Variants in OPCML observed in about 807,000 individuals in gnomAD.
The protein encoded by OPCML is opioid-binding protein/cell adhesion molecule.
OPCML carries 13 observed loss-of-function variants against 37.8 expected under a neutral mutation model. The observed-to-expected ratio is 0.34, with a 90% CI of 0.22 to 0.55. The LOEUF (loss-of-function observed/expected upper bound fraction) is 0.55. OPCML is among the 20% of genes least tolerant of loss of function. OPCML has a pLI of 0.91. For missense variants in OPCML, 341 were observed against 435.6 expected, an observed-to-expected ratio of 0.78 and a Z score of 1.93; for synonymous variants, 176 against 168.8, an observed-to-expected ratio of 1.04 and a Z score of -0.33.
At chr11:132,692,039 A>G (rs1943423843) in intron 2 of OPCML, among the ~76,000 whole-genome samples, 1 of 152,186 alleles carries the variant, frequency 6.6e-6, no homozygotes, top group South Asian at 2.1e-4. Context: ...TAAGAATTCA[A>G]TCAGCGTTAA....
chr11:132,422,945 G>A (rs745735671), intron 7 of OPCML, among the ~76,000 whole-genome samples: 2 of 152,198 alleles, frequency 1.3e-5, no homozygotes, highest in African/African-American at 4.8e-5. Flanking sequence ...TTCCCTCTCC[G>A]GGCTTTGCTT....
chr11:132,657,367 A>G (rs1191622569), intron 2 of OPCML, 48 bp from the exon 3 acceptor site: 2 of 1,597,166 alleles, frequency 1.3e-6, no homozygotes, highest in African/African-American at 2.7e-5. Context: ...GGAAAGAGAG[A>G]GAGTGGAGAG....
At chr11:133,006,370 A>G (rs1462838407) in intron 1 of OPCML, 2 of 884,718 alleles carry the variant, frequency 2.3e-6, no homozygotes, top group Non-Finnish European at 1.4e-6. Context: ...TGCAATCCTG[A>G]ATTTTCTTGG....
chr11:133,287,486 C>T (rs1942335203), intron 1 of OPCML, among the ~76,000 whole-genome samples: 1 of 147,156 alleles, frequency 6.8e-6, no homozygotes, highest in Admixed American at 6.8e-5. Context: ...GCCCACCAGA[C>T]CGGAAACAGT....
At chr11:132,757,242 A>G (rs1223933814) in intron 2 of OPCML, among the ~76,000 whole-genome samples, 1 of 152,176 alleles carries the variant, frequency 6.6e-6, no homozygotes, top group Non-Finnish European at 1.5e-5. Context: ...GCTATTGTGA[A>G]CAGTGCTACA....
chr11:132,992,079 A>G (rs1055005224), intron 1 of OPCML, among the ~76,000 whole-genome samples: 3 of 152,170 alleles, frequency 2.0e-5, no homozygotes, highest in Non-Finnish European at 2.9e-5. Context: ...AAGCCATTGT[A>G]TTGATGAAGA....
chr11:132,554,373 G>T (rs1387927943), intron 3 of OPCML, among the ~76,000 whole-genome samples: 1 of 152,216 alleles, frequency 6.6e-6, no homozygotes, highest in Non-Finnish European at 1.5e-5. Flanking sequence ...TCTATACTGT[G>T]TCAAATCAAA....
intron 1 of OPCML, among the ~76,000 whole-genome samples, chr11:133,042,468 C>T (rs1014505869): frequency 9.2e-5 from 14 of 152,262 alleles, no homozygotes; most frequent in Admixed American, 3.3e-4. Context: ...AGAGGCAGAG[C>T]GGGACGCAAA....
intron 1 of OPCML, among the ~76,000 whole-genome samples, chr11:133,396,675 C>T (rs1168583959): frequency 6.6e-6 from 1 of 152,172 alleles, no homozygotes; most frequent in Non-Finnish European, 1.5e-5. Context: ...TTAACTTTCA[C>T]TTATCTTTCT....
intron 1 of OPCML, among the ~76,000 whole-genome samples, chr11:133,049,395 A>C (rs967576731): frequency 2.0e-5 from 3 of 152,094 alleles, no homozygotes; most frequent in Non-Finnish European, 2.9e-5. Context: ...TGAGCCCTGG[A>C]CTTGGAATTG....
chr11:132,508,544 A>G, intron 4 of OPCML, among the ~76,000 whole-genome samples: 1 of 151,996 alleles, frequency 6.6e-6, no homozygotes, highest in East Asian at 1.9e-4. Flanking sequence ...CCTAAATCTC[A>G]TCTTGCATTG....
At chr11:132,726,744 A>G (rs1944899581) in intron 2 of OPCML, among the ~76,000 whole-genome samples, 1 of 152,130 alleles carries the variant, frequency 6.6e-6, no homozygotes, top group Non-Finnish European at 1.5e-5. Context: ...GCAGAGAGTT[A>G]GGATGGGGAT....
intron 3 of OPCML, among the ~76,000 whole-genome samples, chr11:132,554,891 T>TTTTTTTTTTTTTC (rs1555152066): frequency 7.2e-6 from 1 of 138,896 alleles, no homozygotes; most frequent in African/African-American, 2.9e-5. Flanking sequence ...TTTTTTTTTT[T>TTTTTTTTTTTTTC]CATTAGCTCT....
intron 1 of OPCML, among the ~76,000 whole-genome samples, chr11:133,471,728 T>G (rs576815637): frequency 6.6e-6 from 1 of 152,354 alleles, no homozygotes; most frequent in South Asian, 2.1e-4. Context: ...AGTAGTAAAA[T>G]GTTTCCATGA....
At chr11:133,476,372 C>T (rs920179736) in intron 1 of OPCML, among the ~76,000 whole-genome samples, 3 of 140,718 alleles carry the variant, frequency 2.1e-5, no homozygotes, top group African/African-American at 5.4e-5. Context: ...TCTACATACA[C>T]TTTTTGTACT....
At chr11:133,366,057 C>T (rs541324265) in intron 1 of OPCML, 8 of 152,360 alleles carry the variant, frequency 5.3e-5, no homozygotes, top group African/African-American at 9.6e-5. Context: ...CCACACCCCA[C>T]GTTTTCTCTT....
At chr11:132,746,097 T>TG (rs557023054) in intron 2 of OPCML, among the ~76,000 whole-genome samples, 2 of 116,136 alleles carry the variant, frequency 1.7e-5, no homozygotes, top group Non-Finnish European at 3.8e-5. Context: ...AAAGTTGTTG[T>TG]TTTTTTTTTT....
At chr11:133,239,743 G>A (rs2136406482) in intron 1 of OPCML, among the ~76,000 whole-genome samples, 1 of 152,306 alleles carries the variant, frequency 6.6e-6, no homozygotes, top group East Asian at 1.9e-4. Context: ...GACACAGCTG[G>A]ATTTCCCCAC....
intron 1 of OPCML, among the ~76,000 whole-genome samples, chr11:133,404,673 C>T (rs1383332956): frequency 2.6e-5 from 4 of 152,278 alleles, no homozygotes; most frequent in East Asian, 1.9e-4. Context: ...CCAAGTATCA[C>T]GGGAGACCAG....
Sources: gnomAD v4.1 joint callset for allele counts (sites outside exome capture counted in the v4.1 genomes callset) on GRCh38, gnomAD v4.1.1 for gene constraint, MANE v1.5 for transcripts, NCBI Gene and HGNC (gene_info 2026-07-23, HGNC 2026-07-21) for gene names.